MRPS33: variants seen among roughly 807,000 people sequenced by gnomAD.
MRPS33 encodes the protein small ribosomal subunit protein mS33.
A neutral mutation model predicts 11.2 loss-of-function variants in MRPS33; 11 were observed. That is an observed-to-expected ratio of 0.99 (90% confidence interval 0.62 to 1.63). The LOEUF (loss-of-function observed/expected upper bound fraction) is 1.63, where lower values mean the gene tolerates loss of function less well. Among genes scored for constraint, MRPS33 ranks in the 40% most tolerant of loss-of-function variants. The pLI is 0.00. For synonymous variants in MRPS33, 46 were observed against 44.0 expected (o/e 1.05, Z -0.18); for missense variants, 109 against 127.8 (o/e 0.85, Z 0.71).
chr7:141,013,585 T>A (rs1322491016), intron 1 of MRPS33, among the ~76,000 whole-genome samples: 1 of 152,230 alleles, frequency 6.6e-6, no homozygotes, highest in Non-Finnish European at 1.5e-5. Context: ...ACAACGTGCA[T>A]GTCAATTACA....
rs2129163585 is a variant in MRPS33, at chr7:141,002,914, C to T, written c.*3516G>A. On this transcript the variant is annotated 3_prime_UTR_variant, in exon 3 of 3. Coordinates refer to ENST00000324787, the MANE Select transcript of MRPS33 (RefSeq NM_053035.3). ...AAGACACAGCAGTACTTACTAGTCA[C>T]ATAATGTGCTATATGTAAAAGTTTT... 6.6e-6 allele frequency: 1 copy of T among 152,474 alleles called. No individual in the cohort carries two copies. Among genetic ancestry groups the T allele is most frequent in the Non-Finnish European group, 1.5e-5 (1 of 68,194 alleles). The allele number at this position is 152,474 out of a possible 1,614,324, so 9.4% of individuals were successfully genotyped here.
At chr7:141,008,562 C>A (rs1196798593) in intron 2 of MRPS33, among the ~76,000 whole-genome samples, 1 of 152,140 alleles carries the variant, frequency 6.6e-6, no homozygotes, top group Non-Finnish European at 1.5e-5. Context: ...TAAGAAATAT[C>A]CACTGGATAG....
chr7:141,007,418 T>C (rs1820559679), intron 2 of MRPS33, among the ~76,000 whole-genome samples: 1 of 152,218 alleles, frequency 6.6e-6, no homozygotes, highest in South Asian at 2.1e-4. Context: ...ATGGACAGTA[T>C]ACAACTCTTT....
In MRPS33 at chr7:141,006,158, T is replaced by A; in HGVS notation, c.*272A>T. 1 of 425,890 alleles carries A rather than the reference T, an allele frequency of 2.3e-6. No individual in the cohort carries two copies. Among genetic ancestry groups the A allele is most frequent in the East Asian group, 4.6e-5 (1 of 21,508 alleles). 26.4% of individuals were successfully genotyped at this position (425,890 alleles called of 1,614,324 possible). Reference sequence around the variant, plus strand: ...AGCATCCCATCCCACCCCAAACAAATCATCAAACAATAACTTAGGTATTTA... The same window carrying A: ...AGCATCCCATCCCACCCCAAACAAAACATCAAACAATAACTTAGGTATTTA... On this transcript the variant is annotated 3_prime_UTR_variant, in exon 3 of 3. Coordinates refer to ENST00000324787, the MANE Select transcript of MRPS33 (RefSeq NM_053035.3).
intron 2 of MRPS33, among the ~76,000 whole-genome samples, chr7:141,009,318 G>A (rs1820614311): frequency 6.6e-6 from 1 of 151,754 alleles, no homozygotes; most frequent in Non-Finnish European, 1.5e-5. Context: ...TTTTAGTAGA[G>A]ACGGGGTTTC....
chr7:141,014,687 A>G (rs936960936), intron 1 of MRPS33: 1 of 152,198 alleles, frequency 6.6e-6, no homozygotes, highest in African/African-American at 2.4e-5. Flanking sequence ...TGCGCCTGAG[A>G]GGAAATTACG....
chr7:141,013,498 A>G (rs1186894041), intron 1 of MRPS33, among the ~76,000 whole-genome samples: 1 of 152,228 alleles, frequency 6.6e-6, no homozygotes, highest in Non-Finnish European at 1.5e-5. Flanking sequence ...ACAATTACCA[A>G]TGACACTGCT....
rs141271507 is a variant in MRPS33, at chr7:141,010,508, C to T, written c.126G>A (p.Leu42=). 9.2e-3 allele frequency: 14,834 copies of T among 1,614,114 alleles called. 92 individuals are homozygous for T. The highest frequency in any genetic ancestry group is 0.011 in the Non-Finnish European group (13,082 of 1,180,020). The change falls in exon 2 of 3, where the codon TTG becomes TTA. Residue 42 remains leucine, a synonymous_variant. Coordinates refer to ENST00000324787, the MANE Select transcript of MRPS33 (RefSeq NM_053035.3). ...AATCATAAGTCTCCTTCTTCTTGGCCAAGGGCAGTTCACTAAACAGTTTCA... is the reference window on the plus strand; with the variant it reads ...AATCATAAGTCTCCTTCTTCTTGGCTAAGGGCAGTTCACTAAACAGTTTCA... ...KVVKLFSELP[L]AKKKETYDWY... is the part of the protein sequence containing the mutation.
At chr7:141,013,705 G>A (rs969814720) in intron 1 of MRPS33, among the ~76,000 whole-genome samples, 5 of 152,160 alleles carry the variant, frequency 3.3e-5, no homozygotes, top group Non-Finnish European at 5.9e-5. Context: ...GTTAACTGGA[G>A]CTGAAAATGC....
chr7:141,010,119 G>C (rs967595392), intron 2 of MRPS33: 8 of 246,926 alleles, frequency 3.2e-5, no homozygotes, highest in Non-Finnish European at 6.2e-5. Context: ...ATCCTTTTTA[G>C]AGTGCTCTTA....
chr7:141,013,081 G>C (rs978372467), intron 1 of MRPS33, among the ~76,000 whole-genome samples: 7 of 151,722 alleles, frequency 4.6e-5, no homozygotes, highest in African/African-American at 7.3e-5. Flanking sequence ...AAAAGAGAGA[G>C]AGACAGACAG....
rs1820509308 is a variant in MRPS33 at position 141,005,726 on chromosome 7, T to TCATC, written c.*700_*703dup. 1 of 152,252 alleles carries TCATC rather than the reference T, an allele frequency of 6.6e-6. No homozygotes were observed. Among genetic ancestry groups the TCATC allele is most frequent in the South Asian group, 2.1e-4 (1 of 4,834 alleles). The allele number at this position is 152,252 out of a possible 1,614,324, so 9.4% of individuals were successfully genotyped here. On this transcript the variant is annotated 3_prime_UTR_variant, in exon 3 of 3. Transcript: ENST00000324787. ...GGCTTCTGGCTATCTCTCTCTGCAT[T>TCATC]CATCCATCCATCCATGCTCTTATAG... is the stretch of plus-strand genomic sequence containing the variant.
At chr7:141,014,475 CTG>C (rs979416160) in intron 1 of MRPS33, 4 of 152,218 alleles carry the variant, frequency 2.6e-5, no homozygotes, top group African/African-American at 9.6e-5. Context: ...GTGATGGAAA[CTG>C]TAGTATTGTC....
intron 2 of MRPS33, among the ~76,000 whole-genome samples, chr7:141,007,987 G>A (rs542332242): frequency 7.2e-5 from 11 of 152,116 alleles, no homozygotes; most frequent in African/African-American, 2.4e-5. Flanking sequence ...GCTTTCTGGC[G>A]ACTCTGTCTC....
At chr7:141,012,321 C>T (rs567421332) in intron 1 of MRPS33, among the ~76,000 whole-genome samples, 5 of 152,134 alleles carry the variant, frequency 3.3e-5, no homozygotes, top group Non-Finnish European at 7.4e-5. Context: ...GTCCACCCCT[C>T]CCTCCCCACC....
At chr7:141,006,793 GCCTACATAAA>G (rs1351884038) in intron 2 of MRPS33, among the ~76,000 whole-genome samples, 4 of 152,120 alleles carry the variant, frequency 2.6e-5, no homozygotes, top group Non-Finnish European at 5.9e-5. Flanking sequence ...TCCCAGGCCA[GCCTACATAAA>G]CCTACATAAC....
At chr7:141,013,236 G>A (rs2129165219) in intron 1 of MRPS33, among the ~76,000 whole-genome samples, 1 of 152,300 alleles carries the variant, frequency 6.6e-6, no homozygotes, top group Non-Finnish European at 1.5e-5. Flanking sequence ...GACTCAGTAG[G>A]ACAGTAGTCA....
intron 1 of MRPS33, among the ~76,000 whole-genome samples, chr7:141,013,634 C>T (rs1820732024): frequency 6.6e-6 from 1 of 152,200 alleles, no homozygotes; most frequent in Admixed American, 6.5e-5. Context: ...GAGTACAAGT[C>T]ACTTTAAGTG....
intron 2 of MRPS33, among the ~76,000 whole-genome samples, chr7:141,008,333 T>C (rs1162323843): frequency 6.6e-6 from 1 of 152,180 alleles, no homozygotes; most frequent in Non-Finnish European, 1.5e-5. Context: ...TATAATCTTC[T>C]CCTCAGGATA....
Sources: gnomAD v4.1 joint callset for allele counts (sites outside exome capture counted in the v4.1 genomes callset) on GRCh38, gnomAD v4.1.1 for gene constraint, MANE v1.5 for transcripts, NCBI Gene and HGNC (gene_info 2026-07-23, HGNC 2026-07-21) for gene names.